The following ZNF749 variants were observed in gnomAD, a reference collection of about 807,000 sequenced individuals.
ZNF749 encodes zinc finger protein 749.
Under a neutral mutation model 7.3 loss-of-function variants are expected in ZNF749, and 8 were observed. That is an observed-to-expected ratio of 1.10 (90% CI 0.64 to 1.98). ZNF749 has a LOEUF of 1.98. Among genes scored for constraint, ZNF749 ranks in the 30% most tolerant of loss-of-function variants. ZNF749 has a pLI of 0.00. For missense variants in ZNF749, 898 were observed against 932.4 expected (o/e 0.96, Z 0.48); for synonymous variants, 310 against 322.4 (o/e 0.96, Z 0.41).
chr19:57,443,222 C>T (rs1312402825), intron 2 of ZNF749, 69 bp from the exon 3 acceptor site: 7 of 1,372,926 alleles, frequency 5.1e-6, no homozygotes, highest in South Asian at 4.0e-5. Flanking sequence ...GTCTCACAGA[C>T]ATTTGTGATG....
intron 1 of ZNF749, 103 bp downstream of exon 1, chr19:57,435,696 G>T (rs1269013819): frequency 1.3e-6 from 2 of 1,507,388 alleles, no homozygotes; most frequent in African/African-American, 2.8e-5. Flanking sequence ...TAAGAGAGGG[G>T]CGTTCTTGTG....
chr19:57,444,539 T>G lies in ZNF749; in HGVS notation c.1391T>G (p.Phe464Cys). The G allele has an allele frequency of 6.2e-7, 1 of 1,613,574 alleles. No homozygotes were observed. The highest frequency in any genetic ancestry group is 8.5e-7 in the Non-Finnish European group (1 of 1,179,834). Reference sequence around the variant, plus strand: ...CACCAGAAAATCCACACTGATGCATTTTCAAAAAGGTCTGACCTCATTCAA... The same window carrying G: ...CACCAGAAAATCCACACTGATGCATGTTCAAAAAGGTCTGACCTCATTCAA... ...VQHQKIHTDA[F>C]SKRSDLIQHK... The change falls in exon 3 of 3, where the codon TTT becomes TGT. Residue 464 changes from phenylalanine to cysteine, a missense_variant. Physicochemically the swap from Phe to Cys is radical, Grantham distance 205. Coordinates refer to ENST00000334181, the MANE Select transcript of ZNF749 (RefSeq NM_001023561.4).
Position 57,446,110 on chromosome 19 carries a change from A to G in ZNF749, c.*625A>G, listed in dbSNP as rs576498641. ...ATACCCTTTAAACCAGGGGTCCACA[A>G]CCCCCAGGCTGCAAACTGGTACCAG... is the stretch of plus-strand genomic sequence containing the variant. On this transcript the variant is annotated 3_prime_UTR_variant, in exon 3 of 3. Coordinates refer to ENST00000334181, the MANE Select transcript of ZNF749 (RefSeq NM_001023561.4). 6.6e-6 allele frequency among the ~76,000 whole-genome samples: 1 copy of G among 152,046 alleles called. No individual in the cohort carries two copies. The highest frequency in any genetic ancestry group is 2.1e-4 in the South Asian group (1 of 4,810).
At chr19:57,431,586 G>A (rs1285655588), upstream of ZNF749, among the ~76,000 whole-genome samples, 4 of 151,290 alleles carry the variant, frequency 2.6e-5, no homozygotes, top group South Asian at 2.1e-4. Context: ...ACAAGAACAC[G>A]ACAATCTTCA....
In ZNF749 at chr19:57,442,332, C is replaced by T. The variant is rs2088999708; in HGVS notation, c.142+321C>T. Among the ~76,000 whole-genome samples the T allele has an allele frequency of 6.6e-6, 1 of 152,178 alleles. No homozygotes were observed. The highest frequency in any genetic ancestry group is 1.5e-5 in the Non-Finnish European group (1 of 68,038). ...CTGTCCAAATGTGTGAAACCTCTGT[C>T]CAAGGGTTTCCCTGTTCCCCTTGCT... On this transcript the variant is annotated intron_variant, in intron 2 of 2. Transcript: ENST00000334181. This position sits in a 1 kb window ranked among gnomAD's most constrained non-coding sequence, Gnocchi z 6.6.
chr19:57,442,544 G>A lies in ZNF749; in HGVS notation c.142+533G>A, dbSNP rs2089002774. ...CCTCCCTTTCCCTGCCTTTCCCGTAGCTGGACTTATGCCGCAGCTAGATAG... is the reference window on the plus strand; with the variant it reads ...CCTCCCTTTCCCTGCCTTTCCCGTAACTGGACTTATGCCGCAGCTAGATAG... On this transcript the variant is annotated intron_variant, in intron 2 of 2. Coordinates refer to ENST00000334181, the MANE Select transcript of ZNF749 (RefSeq NM_001023561.4). The surrounding 1 kb of genome is among the most constrained non-coding windows in gnomAD (Gnocchi z 6.6). Among the ~76,000 whole-genome samples the A allele has an allele frequency of 1.3e-5, 2 of 152,070 alleles. No homozygotes were observed. The highest frequency in any genetic ancestry group is 2.9e-5 in the Non-Finnish European group (2 of 68,018).
intron 1 of ZNF749, among the ~76,000 whole-genome samples, chr19:57,440,642 C>A (rs2088978053): frequency 6.6e-6 from 1 of 151,994 alleles, no homozygotes; most frequent in African/African-American, 2.4e-5. Flanking sequence ...GCCAGGGCTG[C>A]TGTTAGTATT....
chr19:57,444,087 G>A lies in ZNF749; in HGVS notation c.939G>A (p.Leu313=), dbSNP rs762063833. Residue 313 remains leucine, a synonymous_variant, in exon 3 of 3, where the codon CTG becomes CTA. Coordinates refer to ENST00000334181, the MANE Select transcript of ZNF749 (RefSeq NM_001023561.4). ...AGGCCTTTCTTACACAGGCTCATCTGGTTGGTCACCAGAAAACCCATACTG... is the reference window on the plus strand; with the variant it reads ...AGGCCTTTCTTACACAGGCTCATCTAGTTGGTCACCAGAAAACCCATACTG... ...CGKAFLTQAH[L]VGHQKTHTGE... The A allele has an allele frequency of 5.6e-6, 9 of 1,613,824 alleles. 1 individual carries two copies. Among genetic ancestry groups the A allele is most frequent in the African/African-American group, 2.7e-5 (2 of 74,844 alleles).
In ZNF749 at chr19:57,445,407, T is replaced by C; in HGVS notation, c.2259T>C (p.Cys753=). The C allele has an allele frequency of 6.2e-7, 1 of 1,614,012 alleles. No homozygotes were observed. The highest frequency in any genetic ancestry group is 8.5e-7 in the Non-Finnish European group (1 of 1,179,898). The change falls in exon 3 of 3, where the codon TGT becomes TGC. Residue 753 remains cysteine (C), a synonymous_variant. Coordinates refer to ENST00000334181, the MANE Select transcript of ZNF749 (RefSeq NM_001023561.4). ...KTHTGERSYE[C]GESSKVFKYN... is the part of the protein sequence containing the mutation. ...ACACTGGAGAAAGGTCTTATGAGTG[T>C]GGTGAATCCAGCAAAGTGTTTAAAT...
At position 57,446,304 on chromosome 19, in the gene ZNF749, G is replaced by C. The variant is rs550014969; in HGVS notation, c.*819G>C. On this transcript the variant is annotated 3_prime_UTR_variant, in exon 3 of 3. Coordinates refer to ENST00000334181, the MANE Select transcript of ZNF749 (RefSeq NM_001023561.4). ...ATCTAACTAATACCTGATGATCTGA[G>C]GTGGGACAGTTTTATTCTGAAACTG... Among the ~76,000 whole-genome samples, 1 of 152,220 alleles carries C rather than the reference G, an allele frequency of 6.6e-6. No individual in the cohort carries two copies. Among genetic ancestry groups the C allele is most frequent in the Admixed American group, 6.5e-5 (1 of 15,288 alleles).
Position 57,443,419 on chromosome 19 carries a change from T to C in ZNF749, c.271T>C (p.Ser91Pro), listed in dbSNP as rs781377168. The change falls in exon 3 of 3, where the codon TCA becomes CCA. Residue 91 changes from serine to proline, a missense_variant. Transcript: ENST00000334181. The part of the protein sequence containing the change: ...LKAQPCKMCS[S>P]ILKDILHLAE... ...GGCCCAGCCCTGCAAGATGTGTAGC[T>C]CAATTCTGAAGGACATTCTGCACCT... The C allele has an allele frequency of 6.2e-7, 1 of 1,614,228 alleles. No individual in the cohort carries two copies. Among genetic ancestry groups the C allele is most frequent in the Non-Finnish European group, 8.5e-7 (1 of 1,180,050 alleles).
Position 57,446,918 on chromosome 19 carries a change from T to C in ZNF749, c.*1433T>C, listed in dbSNP as rs975679872. 1.3e-5 allele frequency among the ~76,000 whole-genome samples: 2 copies of C among 152,168 alleles called. No homozygotes were observed. Among genetic ancestry groups the C allele is most frequent in the African/African-American group, 4.8e-5 (2 of 41,430 alleles). On this transcript the variant is annotated 3_prime_UTR_variant, in exon 3 of 3. Coordinates refer to ENST00000334181, the MANE Select transcript of ZNF749 (RefSeq NM_001023561.4). ...AATGTATGAAAAATGGTAAAAACTT[T>C]ATAGGGCACTAACATGAACGAAGCT...
rs1210162131 is a variant in ZNF749, at chr19:57,439,346, T to C, written c.16-2539T>C. On this transcript the variant is annotated intron_variant, in intron 1 of 2. Transcript: ENST00000334181. This position sits in a 1 kb window ranked among gnomAD's most constrained non-coding sequence, Gnocchi z 4.3. ...TTGGGAGCTGAGATGGAAGAGGGGGTCAGGAATGGCCCCACAGTTTTGGCC... is the reference window on the plus strand; with the variant it reads ...TTGGGAGCTGAGATGGAAGAGGGGGCCAGGAATGGCCCCACAGTTTTGGCC... Among the ~76,000 whole-genome samples, 1 of 151,620 alleles carries C rather than the reference T, an allele frequency of 6.6e-6. No individual in the cohort carries two copies. Among genetic ancestry groups the C allele is most frequent in the African/African-American group, 2.4e-5 (1 of 41,240 alleles).
chr19:57,435,524 G>C lies in ZNF749; in HGVS notation c.-55G>C. On this transcript the variant is annotated 5_prime_UTR_variant, in exon 1 of 3. Coordinates refer to ENST00000334181, the MANE Select transcript of ZNF749 (RefSeq NM_001023561.4). Reference sequence around the variant, plus strand: ...CGCCCCTGCCTCCGTCAGCGTCCAGGTGACCGCCGTTCCCGCCCCGCTCTT... The same window carrying C: ...CGCCCCTGCCTCCGTCAGCGTCCAGCTGACCGCCGTTCCCGCCCCGCTCTT... 6.4e-7 allele frequency: 1 copy of C among 1,573,254 alleles called. No individual in the cohort carries two copies. The highest frequency in any genetic ancestry group is 8.6e-7 in the Non-Finnish European group (1 of 1,161,828).
At position 57,436,668 on chromosome 19, in the gene ZNF749, G is replaced by A. The variant is rs2088939314; in HGVS notation, c.15+1075G>A. Among the ~76,000 whole-genome samples, 1 of 152,212 alleles carries A rather than the reference G, an allele frequency of 6.6e-6. No individual in the cohort carries two copies. The highest frequency in any genetic ancestry group is 2.1e-4 in the South Asian group (1 of 4,834). ...CATGCAGCAACTGGGTCCAAAACTG[G>A]GCAGGGCTTTCTCACATCCTCCACC... On this transcript the variant is annotated intron_variant, in intron 1 of 2. Transcript: ENST00000334181. This position sits in a 1 kb window ranked among gnomAD's most constrained non-coding sequence, Gnocchi z 4.0.
chr19:57,431,671 AAAAAAG>A (rs960387739), upstream of ZNF749, among the ~76,000 whole-genome samples: 7 of 152,152 alleles, frequency 4.6e-5, no homozygotes, highest in Non-Finnish European at 8.8e-5. Context: ...AAAGAAAAAA[AAAAAAG>A]AAAAAGAAGA....
chr19:57,444,012 T>A lies in ZNF749; in HGVS notation c.864T>A (p.His288Gln). The A allele has an allele frequency of 6.2e-7, 1 of 1,613,786 alleles. No individual in the cohort carries two copies. Among genetic ancestry groups the A allele is most frequent in the Non-Finnish European group, 8.5e-7 (1 of 1,179,836 alleles). The change falls in exon 3 of 3, where the codon CAT becomes CAA. Residue 288 changes from histidine to glutamine, a missense_variant. Physicochemically the swap from His to Gln is conservative, Grantham distance 24 (BLOSUM62 0). Transcript: ENST00000334181. The part of the protein sequence containing the change: ...FLSKRSDPIE[H>Q]QEILSRPTPY... Reference sequence around the variant, plus strand: ...CAAAAAGGTCTGACCCCATTGAACATCAGGAGATTCTCAGTAGACCAACAC... The same window carrying A: ...CAAAAAGGTCTGACCCCATTGAACAACAGGAGATTCTCAGTAGACCAACAC...
chr19:57,441,008 C>A (rs2088982488), intron 1 of ZNF749, among the ~76,000 whole-genome samples: 1 of 151,458 alleles, frequency 6.6e-6, no homozygotes, highest in South Asian at 2.1e-4. Context: ...TGCCTGTAAT[C>A]CCAGCTACTC....
In ZNF749 at chr19:57,444,606, T is replaced by A. The variant is rs774961401; in HGVS notation, c.1458T>A (p.Ser486Arg). The change falls in exon 3 of 3, where the codon AGT (serine) becomes AGA (arginine). Residue 486 changes from serine (S) to arginine (R), a missense_variant. Ser to Arg is a moderately radical substitution (Grantham distance 110, BLOSUM62 -1). Coordinates refer to ENST00000334181, the MANE Select transcript of ZNF749 (RefSeq NM_001023561.4). ...IDIRPRPYTC[S>R]ECGKAFLTQA... is the part of the protein sequence containing the mutation. Reference sequence around the variant, plus strand: ...TTAGGCCAAGGCCTTATACATGCAGTGAATGTGGGAAGGCCTTCCTTACAC... The same window carrying A: ...TTAGGCCAAGGCCTTATACATGCAGAGAATGTGGGAAGGCCTTCCTTACAC... 1.2e-6 allele frequency: 2 copies of A among 1,612,042 alleles called. No homozygotes were observed. The highest frequency in any genetic ancestry group is 2.2e-5 in the South Asian group (2 of 90,934).
Sources: allele counts gnomAD v4.1 joint callset (sites outside exome capture counted in the v4.1 genomes callset), GRCh38; gene constraint gnomAD v4.1.1; non-coding constraint Gnocchi (gnomAD v3.1); transcripts MANE v1.5; gene names NCBI Gene and HGNC (gene_info 2026-07-23, HGNC 2026-07-21).